The following CRACR2A variants were observed in gnomAD, a reference collection of about 807,000 sequenced individuals.
CRACR2A encodes EF-hand calcium-binding domain-containing protein 4B.
Under a neutral mutation model 90.5 loss-of-function variants are expected in CRACR2A, and 79 were observed. The ratio of observed to expected loss-of-function variants is 0.87; its 90% CI spans 0.73 to 1.05. The LOEUF (loss-of-function observed/expected upper bound fraction) is 1.05. Ranked by LOEUF, CRACR2A falls within the 50% of genes least tolerant of loss-of-function variation. CRACR2A has a pLI of 0.00. For synonymous variants in CRACR2A, 338 were observed against 356.7 expected (o/e 0.95, Z 0.59); for missense variants, 823 against 897.2 (o/e 0.92, Z 1.06).
intron 8 of CRACR2A, among the ~76,000 whole-genome samples, chr12:3,657,960 G>A (rs181775954): frequency 6.6e-5 from 10 of 152,328 alleles, no homozygotes; most frequent in East Asian, 3.9e-4. Context: ...TTTCCATGAT[G>A]TCAGAAACTG....
intron 2 of CRACR2A, chr12:3,732,671 C>A (rs1254399527): frequency 6.6e-6 from 1 of 152,240 alleles, no homozygotes; most frequent in Admixed American, 6.5e-5. Flanking sequence ...GCGCTTTTGT[C>A]CCAGTCAGAG....
intron 3 of CRACR2A, among the ~76,000 whole-genome samples, chr12:3,709,910 C>A (rs1372794426): frequency 6.6e-6 from 1 of 152,212 alleles, no homozygotes; most frequent in Non-Finnish European, 1.5e-5. Flanking sequence ...ATACCTGATA[C>A]AATATGGACT....
intron 1 of CRACR2A, among the ~76,000 whole-genome samples, chr12:3,751,646 A>G (rs1946705682): frequency 6.6e-6 from 1 of 152,064 alleles, no homozygotes; most frequent in Admixed American, 6.6e-5. Context: ...CCAGCCTCCT[A>G]TTCAAGGCCC....
Position 3,627,531 on chromosome 12 carries a change from G to T in CRACR2A, c.1837C>A (p.Gln613Lys), listed in dbSNP as rs1944288941. 6.4e-7 allele frequency: 1 copy of T among 1,551,506 alleles called. No homozygotes were observed. Among genetic ancestry groups the T allele is most frequent in the Non-Finnish European group, 8.7e-7 (1 of 1,146,998 alleles). Residue 613 changes from glutamine to lysine, a missense_variant, in exon 17 of 20, where the codon CAG becomes AAG. By Grantham distance (53) the Gln-to-Lys change is moderately conservative (BLOSUM62 1). Transcript: ENST00000440314. Reference sequence around the variant, plus strand: ...ACACCATCTGCCTTTCTGAAGAACTGCTGGGTGATGCACCGGTACCTGCCA... The same window carrying T: ...ACACCATCTGCCTTTCTGAAGAACTTCTGGGTGATGCACCGGTACCTGCCA... ...GQERYRCITQQFFRKADGVIV... is the reference protein window; with the variant it reads ...GQERYRCITQKFFRKADGVIV...
chr12:3,687,094 A>G (rs1945571405), intron 4 of CRACR2A, among the ~76,000 whole-genome samples: 1 of 152,086 alleles, frequency 6.6e-6, no homozygotes, highest in African/African-American at 2.4e-5. Context: ...CCACCCCTTG[A>G]CAATTGTAAA....
In CRACR2A at chr12:3,617,104, C is replaced by G; in HGVS notation, c.2035-74G>C. The G allele has an allele frequency of 3.7e-6, 4 of 1,094,008 alleles. No individual in the cohort carries two copies. The South Asian group carries it at 4.1e-5, about 11-fold the overall frequency. 67.8% of individuals were successfully genotyped at this position (1,094,008 alleles called of 1,614,324 possible). ...ATTGTGGGGGGTGGTGGGAGAGCCCCCTTGTGCATCTACCTACAGCCTTCA... is the reference window on the plus strand; with the variant it reads ...ATTGTGGGGGGTGGTGGGAGAGCCCGCTTGTGCATCTACCTACAGCCTTCA... On this transcript the variant is annotated intron_variant, in intron 18 of 19. Coordinates refer to ENST00000440314, the MANE Select transcript of CRACR2A (RefSeq NM_001144958.2).
chr12:3,648,361 A>G, intron 11 of CRACR2A, 181 bp downstream of exon 11: 4 of 1,509,128 alleles, frequency 2.7e-6, no homozygotes, highest in Non-Finnish European at 3.5e-6. Context: ...TAAACGGACC[A>G]AACATAATAG....
intron 3 of CRACR2A, among the ~76,000 whole-genome samples, chr12:3,701,412 C>A (rs1211744934): frequency 6.6e-6 from 1 of 151,928 alleles, no homozygotes; most frequent in Non-Finnish European, 1.5e-5. Flanking sequence ...ATCAACAAAA[C>A]TAAAAGCTGG....
chr12:3,651,429 A>G (rs117610919), intron 10 of CRACR2A, among the ~76,000 whole-genome samples: 169 of 152,366 alleles, frequency 1.1e-3, no homozygotes, highest in Admixed American at 3.2e-3. Context: ...TTTTGAACGT[A>G]TAACCTTTTG....
chr12:3,660,602 A>G (rs1388159324), intron 7 of CRACR2A, among the ~76,000 whole-genome samples: 4 of 152,058 alleles, frequency 2.6e-5, no homozygotes, highest in Non-Finnish European at 4.4e-5. Flanking sequence ...TGCCCCTCCA[A>G]ATTCAAACAG....
intron 14 of CRACR2A, among the ~76,000 whole-genome samples, chr12:3,635,390 G>A (rs1283784753): frequency 6.6e-6 from 1 of 152,084 alleles, no homozygotes; most frequent in Non-Finnish European, 1.5e-5. Flanking sequence ...AAAAAATAAG[G>A]CTTTAAGAAA....
At chr12:3,625,135 T>G (rs1473183318) in intron 17 of CRACR2A, among the ~76,000 whole-genome samples, 15 of 152,184 alleles carry the variant, frequency 9.9e-5, no homozygotes, top group Admixed American at 9.8e-4. Context: ...AAAAGCCCTG[T>G]TTACACATAA....
In CRACR2A at chr12:3,633,599, C is replaced by G. The variant is rs751511440; in HGVS notation, c.1735+5G>C. ...CTAGGACCCACCTCAGGGATGAGAA[C>G]TCACCCACAGTGGCCGCCATGCCTG... On this transcript the variant is annotated splice_donor_5th_base_variant and intron_variant, in intron 15 of 19. Transcript: ENST00000440314. This position sits in a 1 kb window ranked among gnomAD's most constrained non-coding sequence, Gnocchi z 4.5. 3.2e-6 allele frequency: 5 copies of G among 1,551,656 alleles called. No individual in the cohort carries two copies. The South Asian group carries it at 5.9e-5, about 18-fold the overall frequency.
chr12:3,683,896 C>A (rs1242753506), intron 4 of CRACR2A, among the ~76,000 whole-genome samples: 1 of 152,312 alleles, frequency 6.6e-6, no homozygotes, highest in African/African-American at 2.4e-5. Context: ...CAGAACCTGA[C>A]CAGCCCAACT....
intron 3 of CRACR2A, 55 bp downstream of exon 3, chr12:3,713,182 G>T: frequency 1.1e-6 from 1 of 894,512 alleles, no homozygotes; most frequent in Non-Finnish European, 1.3e-6. Flanking sequence ...TTGGGGTCTG[G>T]GGTGGGGGCA....
chr12:3,623,488 T>A (rs1033945263), intron 17 of CRACR2A, among the ~76,000 whole-genome samples: 1 of 152,180 alleles, frequency 6.6e-6, no homozygotes, highest in Non-Finnish European at 1.5e-5. Context: ...TTGTACAGGC[T>A]GGCGTTCTAA....
intron 7 of CRACR2A, among the ~76,000 whole-genome samples, chr12:3,667,911 G>T (rs542589663): frequency 6.6e-6 from 1 of 152,370 alleles, no homozygotes; most frequent in South Asian, 2.1e-4. Context: ...GTAAGAGTTT[G>T]TAGAAAATTC....
At chr12:3,649,706 C>T (rs1944760472) in intron 10 of CRACR2A, among the ~76,000 whole-genome samples, 1 of 151,798 alleles carries the variant, frequency 6.6e-6, no homozygotes, top group Non-Finnish European at 1.5e-5. Context: ...TTGTTTACAT[C>T]GATACCCTCA....
At chr12:3,627,345 G>A (rs1944283833) in intron 17 of CRACR2A, 91 bp downstream of exon 17, 1 of 920,616 alleles carries the variant, frequency 1.1e-6, no homozygotes, top group East Asian at 2.6e-5. Context: ...ATCAGATTTT[G>A]AAAATGCAGA....
Sources: gnomAD v4.1 joint callset for allele counts (sites outside exome capture counted in the v4.1 genomes callset) on GRCh38, gnomAD v4.1.1 for gene constraint, Gnocchi (gnomAD v3.1) non-coding constraint, MANE v1.5 for transcripts, NCBI Gene and HGNC (gene_info 2026-07-23, HGNC 2026-07-21) for gene names.